The following HDX variants were observed in gnomAD, a reference collection of about 807,000 sequenced individuals.
HDX encodes the protein highly divergent homeobox, also known as chromosome X open reading frame 43.
HDX carries 19 observed loss-of-function variants against 45.2 expected under a neutral mutation model. That is an observed-to-expected ratio of 0.42 (90% CI 0.29 to 0.62). The LOEUF is 0.62. HDX is among the 20% of genes least tolerant of loss of function. The probability of loss-of-function intolerance (pLI) is 0.20; values close to 1 mark genes in which losing one functional copy is unlikely to be tolerated. For missense variants in HDX, 532 were observed against 493.9 expected, an observed-to-expected ratio of 1.08 and a Z score of -0.73; for synonymous variants, 188 against 172.8, an observed-to-expected ratio of 1.09 and a Z score of -0.69.
chrX:84,328,670 A>G (rs896827765), intron 9 of HDX, among the ~76,000 whole-genome samples: 6 of 109,683 alleles, frequency 5.5e-5, no homozygotes, highest in Non-Finnish European at 1.1e-4. Context: ...CCCCAAAGAG[A>G]TACTACTACT....
intron 8 of HDX, among the ~76,000 whole-genome samples, chrX:84,336,564 G>A (rs1306482220): frequency 9.0e-6 from 1 of 111,337 alleles, no homozygotes; most frequent in Non-Finnish European, 1.9e-5. Flanking sequence ...TACATACCAA[G>A]TATTGGGTTT....
intron 5 of HDX, among the ~76,000 whole-genome samples, chrX:84,387,040 C>T (rs1274499445): frequency 9.0e-6 from 1 of 111,051 alleles, no homozygotes; most frequent in Non-Finnish European, 1.9e-5. Flanking sequence ...AGTTGTGTTC[C>T]TATTTTCATT....
chrX:84,369,737 T>C (rs184534134), intron 5 of HDX, among the ~76,000 whole-genome samples: 14 of 112,543 alleles, frequency 1.2e-4, no homozygotes, highest in East Asian at 1.1e-3. Context: ...TGGCTACTTG[T>C]ACATCTTTTT....
At position 84,335,213 on chromosome X, in the gene HDX, G is replaced by T. The variant is rs189236228; in HGVS notation, c.1741-1371C>A. 5.3e-4 allele frequency among the ~76,000 whole-genome samples: 58 copies of T among 110,274 alleles called. 1 individual carries two copies. In the East Asian group the frequency reaches 0.011, roughly 22 times the overall value. On this transcript the variant is annotated intron_variant, in intron 8 of 10. Transcript: ENST00000373177. The stretch of plus-strand genomic sequence containing the variant: ...CAAGACCTCAGATTTGATATTTTTT[G>T]ATGTTTTTCAGATTCTCTACATATT...
At chrX:84,463,560 G>A (rs954239498) in intron 4 of HDX, among the ~76,000 whole-genome samples, 1 of 111,071 alleles carries the variant, frequency 9.0e-6, no homozygotes, top group Non-Finnish European at 1.9e-5. Flanking sequence ...CATGAGAAAT[G>A]GGAATGCAAT....
chrX:84,416,189 C>T lies in HDX; in HGVS notation c.1305+24343G>A, dbSNP rs765559861. On this transcript the variant is annotated intron_variant, in intron 5 of 10. Transcript: ENST00000373177. ...AAATCCCTACTCCATTGTACCCTCC[C>T]CTAAATCACCCAACCAAGGCCCAAG... 2.7e-5 allele frequency among the ~76,000 whole-genome samples: 3 copies of T among 111,610 alleles called. No individual in the cohort carries two copies. In the South Asian group the frequency reaches 1.1e-3, roughly 42 times the overall value.
chrX:84,424,170 C>T (rs779635290), intron 5 of HDX, among the ~76,000 whole-genome samples: 2 of 110,461 alleles, frequency 1.8e-5, no homozygotes, highest in African/African-American at 6.6e-5. Flanking sequence ...TTCTAAATGC[C>T]GACAGTAAAC....
At chrX:84,347,252 T>C (rs2037228658) in intron 6 of HDX, among the ~76,000 whole-genome samples, 1 of 110,654 alleles carries the variant, frequency 9.0e-6, no homozygotes. Context: ...TCTGTCACAG[T>C]AATGTGATCA....
At chrX:84,472,516 A>C (rs940902342) in intron 3 of HDX, among the ~76,000 whole-genome samples, 3 of 111,276 alleles carry the variant, frequency 2.7e-5, no homozygotes, top group Non-Finnish European at 5.7e-5. Context: ...TTATGTTGGC[A>C]GGCACCCCAA....
intron 5 of HDX, among the ~76,000 whole-genome samples, chrX:84,403,326 A>G (rs1014352320): frequency 2.7e-5 from 3 of 111,609 alleles, no homozygotes; most frequent in Non-Finnish European, 5.7e-5. Context: ...ATGTAATAGT[A>G]AACAAAGCTA....
chrX:84,358,143 G>A (rs1337268173), intron 6 of HDX, among the ~76,000 whole-genome samples: 2 of 111,571 alleles, frequency 1.8e-5, no homozygotes, highest in Non-Finnish European at 1.9e-5. Context: ...TGTTACTTTT[G>A]GGTCTTTTTA....
intron 5 of HDX, among the ~76,000 whole-genome samples, chrX:84,366,206 C>G (rs1414791197): frequency 5.4e-5 from 6 of 111,381 alleles, no homozygotes; most frequent in Non-Finnish European, 1.1e-4. Flanking sequence ...AACAGAGACC[C>G]AAATCATGAG....
chrX:84,342,644 A>G (rs1156357939), intron 7 of HDX, among the ~76,000 whole-genome samples: 3 of 110,895 alleles, frequency 2.7e-5, no homozygotes, highest in Non-Finnish European at 5.7e-5. Context: ...TTAGTTAACC[A>G]TTTGGAAAAA....
intron 6 of HDX, among the ~76,000 whole-genome samples, chrX:84,349,546 T>C (rs1234820055): frequency 6.6e-5 from 6 of 90,609 alleles, no homozygotes; most frequent in South Asian, 6.0e-4. Context: ...TATACACACA[T>C]ACATAAGCAT....
intron 5 of HDX, among the ~76,000 whole-genome samples, chrX:84,413,563 C>T (rs1027813542): frequency 3.6e-5 from 4 of 111,549 alleles, no homozygotes; most frequent in South Asian, 3.7e-4. Flanking sequence ...CACTCCAATG[C>T]GTGGGTGATG....
chrX:84,318,113 T>C lies in HDX; in HGVS notation c.*3776A>G, dbSNP rs1451033014. On this transcript the variant is annotated 3_prime_UTR_variant, in exon 11 of 11. Coordinates refer to ENST00000373177, the MANE Select transcript of HDX (RefSeq NM_001177479.2). ...ATGAAACAATTTTAATTATATTTGC[T>C]TGAAAATATCACTTTACTCTTTTTT... 9.0e-6 allele frequency: 1 copy of C among 111,159 alleles called. No homozygotes were observed. The highest frequency in any genetic ancestry group is 1.9e-5 in the Non-Finnish European group (1 of 52,621). 9.2% of individuals were successfully genotyped at this position (111,159 alleles called of 1,213,427 possible). A position where few individuals can be genotyped will look rare whatever the true frequency, so the allele number is the denominator to read the frequency against.
In HDX at chrX:84,469,591, A is replaced by G; in HGVS notation, c.148-16T>C. On this transcript the variant is annotated splice_polypyrimidine_tract_variant and intron_variant, in intron 3 of 10. Coordinates refer to ENST00000373177, the MANE Select transcript of HDX (RefSeq NM_001177479.2). Reference sequence around the variant, plus strand: ...CAACCCACGTCTGGAAGGATAAAACATGGTATTATGAAAAAAAAATTAAAA... The same window carrying G: ...CAACCCACGTCTGGAAGGATAAAACGTGGTATTATGAAAAAAAAATTAAAA... The G allele has an allele frequency of 8.9e-7, 1 of 1,122,543 alleles. No homozygotes were observed. The highest frequency in any genetic ancestry group is 1.2e-6 in the Non-Finnish European group (1 of 851,341). The allele number at this position is 1,122,543 out of a possible 1,213,427, so 92.5% of individuals were successfully genotyped here.
chrX:84,378,513 CTT>C (rs1386875211), intron 5 of HDX, among the ~76,000 whole-genome samples: 1 of 111,358 alleles, frequency 9.0e-6, no homozygotes, highest in African/African-American at 3.3e-5. Flanking sequence ...AGAGAACAAA[CTT>C]AAGGTGTAGA....
At chrX:84,410,060 A>AT (rs1353727841) in intron 5 of HDX, among the ~76,000 whole-genome samples, 2 of 29,675 alleles carry the variant, frequency 6.7e-5, no homozygotes, top group African/African-American at 1.6e-4. Context: ...CTCAAAAAAG[A>AT]TTAAAAAAAA....
Sources: allele counts gnomAD v4.1 joint callset (sites outside exome capture counted in the v4.1 genomes callset), GRCh38; gene constraint gnomAD v4.1.1; transcripts MANE v1.5; gene names NCBI Gene and HGNC (gene_info 2026-07-23, HGNC 2026-07-21).